The following MED13L variants were observed in gnomAD, a reference collection of about 807,000 sequenced individuals.
MED13L encodes mediator of RNA polymerase II transcription subunit 13-like.
A neutral mutation model predicts 220.9 loss-of-function variants in MED13L; 7 were observed. That is an observed-to-expected ratio of 0.03 (90% CI 0.02 to 0.06). The LOEUF (loss-of-function observed/expected upper bound fraction) is 0.06, where lower values mean the gene tolerates loss of function less well. MED13L is among the 10% of genes least tolerant of loss of function. The pLI, the probability that MED13L is intolerant of heterozygous loss-of-function variation, is 1.00. For missense variants in MED13L, 1,965 were observed against 2,760.5 expected (o/e 0.71, Z 6.46); for synonymous variants, 1,011 against 1,015.2 (o/e 1.00, Z 0.08).
At chr12:116,081,648 C>T (rs918188308) in intron 4 of MED13L, among the ~76,000 whole-genome samples, 12 of 152,156 alleles carry the variant, frequency 7.9e-5, no homozygotes, top group African/African-American at 2.7e-4. Context: ...CTTTGGAAGG[C>T]CAAGGCACTT....
chr12:115,961,659 A>T (rs1279788001), intron 30 of MED13L: 8 of 509,480 alleles, frequency 1.6e-5, no homozygotes, highest in African/African-American at 1.5e-4. Context: ...CTGCAGGTAA[A>T]GTAGGCACTG....
At chr12:116,072,597 G>A (rs573618974) in intron 4 of MED13L, among the ~76,000 whole-genome samples, 1 of 152,154 alleles carries the variant, frequency 6.6e-6, no homozygotes, top group African/African-American at 2.4e-5. Flanking sequence ...GATCACAGGT[G>A]CATGCCACGA....
intron 2 of MED13L, among the ~76,000 whole-genome samples, chr12:116,115,856 T>C (rs1874467795): frequency 6.6e-6 from 1 of 152,184 alleles, no homozygotes; most frequent in Non-Finnish European, 1.5e-5. Flanking sequence ...CTGACAATTC[T>C]ACGTGCTGAT....
intron 1 of MED13L, among the ~76,000 whole-genome samples, chr12:116,263,742 T>C (rs1872652017): frequency 6.6e-6 from 1 of 152,214 alleles, no homozygotes; most frequent in Admixed American, 6.5e-5. Flanking sequence ...CTCAATTTGA[T>C]GTCTGACTCT....
chr12:116,086,053 C>A (rs567599725), intron 4 of MED13L, among the ~76,000 whole-genome samples: 3 of 152,286 alleles, frequency 2.0e-5, no homozygotes, highest in African/African-American at 7.2e-5. Flanking sequence ...AACGCTTGGG[C>A]GATCCCTACA....
At chr12:116,011,452 CTTTTT>C (rs1490188311) in intron 9 of MED13L, among the ~76,000 whole-genome samples, 1 of 152,104 alleles carries the variant, frequency 6.6e-6, no homozygotes, top group Non-Finnish European at 1.5e-5. Context: ...AATACGTTAT[CTTTTT>C]AAGTGAAAAA....
intron 2 of MED13L, among the ~76,000 whole-genome samples, chr12:116,132,451 T>C (rs1301454406): frequency 6.6e-6 from 1 of 152,178 alleles, no homozygotes; most frequent in Admixed American, 6.5e-5. Flanking sequence ...GCACAAAATC[T>C]CTTTTAAAAT....
intron 1 of MED13L, among the ~76,000 whole-genome samples, chr12:116,241,094 G>A (rs1395888701): frequency 6.6e-6 from 1 of 151,448 alleles, no homozygotes; most frequent in Non-Finnish European, 1.5e-5. Flanking sequence ...GGATCACAAG[G>A]TCAAAAGATG....
At chr12:116,084,284 G>A (rs1460704794) in intron 4 of MED13L, among the ~76,000 whole-genome samples, 1 of 152,184 alleles carries the variant, frequency 6.6e-6, no homozygotes, top group Non-Finnish European at 1.5e-5. Flanking sequence ...TGCTTGAAAT[G>A]ATCAAGGAAT....
At chr12:116,203,637 T>C (rs931700513) in intron 2 of MED13L, among the ~76,000 whole-genome samples, 5 of 151,946 alleles carry the variant, frequency 3.3e-5, no homozygotes, top group Non-Finnish European at 7.4e-5. Context: ...CTGGCCAACA[T>C]GGCGAAACCC....
At chr12:116,005,623 C>T (rs1023937241) in intron 13 of MED13L, among the ~76,000 whole-genome samples, 1 of 152,042 alleles carries the variant, frequency 6.6e-6, no homozygotes, top group Non-Finnish European at 1.5e-5. Context: ...TGAAAAAGAT[C>T]CTTCAATGAA....
At chr12:116,143,327 T>C (rs1460771837) in intron 2 of MED13L, among the ~76,000 whole-genome samples, 2 of 144,892 alleles carry the variant, frequency 1.4e-5, no homozygotes, top group Admixed American at 6.9e-5. Flanking sequence ...CAACACCTTG[T>C]CTCAAAAAAA....
At chr12:116,011,558 C>G (rs1232471607) in intron 9 of MED13L, among the ~76,000 whole-genome samples, 1 of 152,112 alleles carries the variant, frequency 6.6e-6, no homozygotes, top group Non-Finnish European at 1.5e-5. Flanking sequence ...AAAGGCGGGC[C>G]TTAACTTGGC....
intron 4 of MED13L, among the ~76,000 whole-genome samples, chr12:116,048,184 G>A (rs916490910): frequency 3.3e-5 from 5 of 152,068 alleles, no homozygotes; most frequent in East Asian, 1.9e-4. Flanking sequence ...AAATAAATCC[G>A]TGCCTATCAC....
At chr12:116,035,021 AAAC>A (rs1307524499) in intron 4 of MED13L, among the ~76,000 whole-genome samples, 4 of 152,130 alleles carry the variant, frequency 2.6e-5, no homozygotes, top group Admixed American at 6.6e-5. Context: ...AAACAAAACA[AAAC>A]AAAACAAAAA....
Position 115,970,706 on chromosome 12 carries a change from G to A in MED13L, c.5955C>T (p.Leu1985=), listed in dbSNP as rs113830913. 1.5e-3 allele frequency: 2,344 copies of A among 1,614,102 alleles called. 34 individuals are homozygous for A. In the African/African-American group the frequency reaches 0.027, roughly 19 times the overall value. Residue 1985 remains leucine, a synonymous_variant, in exon 27 of 31, where the codon CTC becomes CTT. Coordinates refer to ENST00000281928, the MANE Select transcript of MED13L (RefSeq NM_015335.5). Reference sequence around the variant, plus strand: ...TACAAGAAGCATCTTGAGGGGTGTTGAGCTGAGATGACTGCATGTTCAGTG... The same window carrying A: ...TACAAGAAGCATCTTGAGGGGTGTTAAGCTGAGATGACTGCATGTTCAGTG... ...STALNMQSSQ[L]NTPQDASCTH...
Position 116,054,193 on chromosome 12 carries a change from TAC to T in MED13L, c.480-31594_480-31593del, listed in dbSNP as rs529817189. 3.4e-4 allele frequency among the ~76,000 whole-genome samples: 51 copies of T among 148,132 alleles called. No homozygotes were observed. In the East Asian group the frequency reaches 5.7e-3, roughly 17 times the overall value. On this transcript the variant is annotated intron_variant, in intron 4 of 30. Transcript: ENST00000281928. ...CTACTTAGAGTAATTTAACAACTAT[TAC>T]ACACACACACACACACAAACACACA...
At chr12:116,009,742 G>C (rs945774494) in intron 9 of MED13L, among the ~76,000 whole-genome samples, 2 of 152,120 alleles carry the variant, frequency 1.3e-5, no homozygotes, top group African/African-American at 4.8e-5. Context: ...ACAGACACAC[G>C]TTAAAATGAC....
At chr12:116,040,139 G>C (rs567253084) in intron 4 of MED13L, among the ~76,000 whole-genome samples, 1 of 152,230 alleles carries the variant, frequency 6.6e-6, no homozygotes, top group African/African-American at 2.4e-5. Flanking sequence ...AGAAAATTGT[G>C]GTGTTTTTTT....
Sources: gnomAD v4.1 joint callset for allele counts (sites outside exome capture counted in the v4.1 genomes callset) on GRCh38, gnomAD v4.1.1 for gene constraint, MANE v1.5 for transcripts, NCBI Gene and HGNC (gene_info 2026-07-23, HGNC 2026-07-21) for gene names.